The following GAS2 variants were observed in gnomAD, a reference collection of about 807,000 sequenced individuals.
GAS2 encodes growth arrest specific 2, also known as growth arrest-specific protein 2.
In GAS2, 20 loss-of-function variants were observed where a neutral mutation model predicts 37.5. The observed-to-expected ratio is 0.53, with a 90% CI of 0.37 to 0.77. GAS2 has a LOEUF of 0.77. GAS2 is among the 30% of genes least tolerant of loss of function. GAS2 has a pLI of 0.00. For missense variants in GAS2, 336 were observed against 373.4 expected (o/e 0.90, Z 0.82); for synonymous variants, 144 against 132.2 (o/e 1.09, Z -0.61).
chr11:22,752,098 C>G (rs1853770283), intron 6 of GAS2, among the ~76,000 whole-genome samples: 1 of 151,946 alleles, frequency 6.6e-6, no homozygotes, highest in Admixed American at 6.6e-5. Context: ...ATTTTTCAAT[C>G]AATGTTTGAT....
intron 7 of GAS2, among the ~76,000 whole-genome samples, chr11:22,779,118 T>C (rs1226704424): frequency 6.6e-6 from 1 of 151,854 alleles, no homozygotes; most frequent in Non-Finnish European, 1.5e-5. Flanking sequence ...AATCAGGGAA[T>C]ACTTTGATTC....
intron 3 of GAS2, among the ~76,000 whole-genome samples, chr11:22,686,725 G>T (rs1214983620): frequency 6.6e-6 from 1 of 151,858 alleles, no homozygotes; most frequent in Non-Finnish European, 1.5e-5. Context: ...ACTCCAGCCT[G>T]GGTGACAGAG....
intron 2 of GAS2, among the ~76,000 whole-genome samples, chr11:22,676,898 C>A (rs971402427): frequency 6.6e-6 from 1 of 151,880 alleles, no homozygotes; most frequent in African/African-American, 2.4e-5. Flanking sequence ...AAAATAAATA[C>A]CATAATAAAA....
intron 1 of GAS2, among the ~76,000 whole-genome samples, chr11:22,638,181 G>C (rs1262128568): frequency 6.6e-6 from 1 of 151,954 alleles, no homozygotes; most frequent in African/African-American, 2.4e-5. Flanking sequence ...ATCTTTATGG[G>C]CTGTGGTGGA....
chr11:22,675,122 AC>A, intron 2 of GAS2, 108 bp downstream of exon 2: 1 of 1,111,932 alleles, frequency 9.0e-7, no homozygotes, highest in Non-Finnish European at 1.2e-6. Context: ...GGAAAGAAAG[AC>A]TTTTATTATT....
At chr11:22,763,919 T>C (rs1854533093) in intron 7 of GAS2, among the ~76,000 whole-genome samples, 1 of 152,202 alleles carries the variant, frequency 6.6e-6, no homozygotes, top group Non-Finnish European at 1.5e-5. Flanking sequence ...TTAAAATGTG[T>C]TCAAATGCTT....
At chr11:22,749,624 A>G (rs1032435587) in intron 6 of GAS2, among the ~76,000 whole-genome samples, 1 of 152,078 alleles carries the variant, frequency 6.6e-6, no homozygotes, top group African/African-American at 2.4e-5. Context: ...AAGAAGGGAA[A>G]GTAAATGTAT....
Position 22,747,423 on chromosome 11 carries a change from A to G in GAS2, c.474-1697A>G, listed in dbSNP as rs146789099. On this transcript the variant is annotated intron_variant, in intron 5 of 7. Coordinates refer to ENST00000454584, the MANE Select transcript of GAS2 (RefSeq NM_001143830.3). The stretch of plus-strand genomic sequence containing the variant: ...TACAGTCTTTTAGCAAGTGATATCT[A>G]TGTAAGTAAACATTAATCTGTGAAC... Among the ~76,000 whole-genome samples, 5 of 152,264 alleles carry G rather than the reference A, an allele frequency of 3.3e-5. No individual in the cohort carries two copies. The East Asian group carries it at 5.8e-4, about 18-fold the overall frequency.
intron 7 of GAS2, among the ~76,000 whole-genome samples, chr11:22,782,693 A>G (rs1855609961): frequency 6.7e-6 from 1 of 148,218 alleles, no homozygotes; most frequent in Non-Finnish European, 1.5e-5. Flanking sequence ...TAGTTAGGTT[A>G]GGGTAATGGC....
chr11:22,730,535 A>T (rs1238699043), intron 4 of GAS2, among the ~76,000 whole-genome samples: 4 of 151,778 alleles, frequency 2.6e-5, no homozygotes, highest in Non-Finnish European at 5.9e-5. Context: ...TGCTGTTCAA[A>T]CCATGTTGAC....
At chr11:22,729,001 C>T (rs1234106941) in intron 4 of GAS2, among the ~76,000 whole-genome samples, 3 of 150,850 alleles carry the variant, frequency 2.0e-5, no homozygotes, top group Non-Finnish European at 4.4e-5. Context: ...TGTCTTTTCA[C>T]ACTTCACTTT....
At chr11:22,755,369 TA>T (rs1207569943) in intron 6 of GAS2, among the ~76,000 whole-genome samples, 1 of 152,098 alleles carries the variant, frequency 6.6e-6, no homozygotes, top group Non-Finnish European at 1.5e-5. Context: ...ATAGTCTCCT[TA>T]AAAAAACAAC....
chr11:22,656,072 A>G (rs1706228065), intron 1 of GAS2, among the ~76,000 whole-genome samples: 1 of 152,218 alleles, frequency 6.6e-6, no homozygotes, highest in Non-Finnish European at 1.5e-5. Context: ...GACCAAATTT[A>G]TTCATGAACA....
At chr11:22,662,659 T>TA (rs111882412), upstream of GAS2, among the ~76,000 whole-genome samples, 80 of 148,024 alleles carry the variant, frequency 5.4e-4, no homozygotes, top group African/African-American at 1.1e-3. Context: ...AAAGAAAACT[T>TA]AAAAAAAAAA....
chr11:22,685,894 G>T (rs973245974), intron 3 of GAS2, 105 bp downstream of exon 3: 6 of 1,047,520 alleles, frequency 5.7e-6, no homozygotes, highest in Non-Finnish European at 8.0e-6. Context: ...GATGCATCAA[G>T]GTCTATACTA....
At chr11:22,793,043 G>A (rs1856246565) in intron 7 of GAS2, among the ~76,000 whole-genome samples, 1 of 152,184 alleles carries the variant, frequency 6.6e-6, no homozygotes, top group African/African-American at 2.4e-5. Flanking sequence ...AGAGGCCAAG[G>A]TGGGTGGATC....
intron 3 of GAS2, among the ~76,000 whole-genome samples, chr11:22,694,714 T>C (rs541052928): frequency 5.9e-5 from 9 of 152,342 alleles, no homozygotes; most frequent in African/African-American, 1.9e-4. Flanking sequence ...GGTCATTTTA[T>C]GCTAGCCCAT....
At chr11:22,758,553 C>T (rs1452156175) in intron 7 of GAS2, among the ~76,000 whole-genome samples, 3 of 152,122 alleles carry the variant, frequency 2.0e-5, no homozygotes, top group African/African-American at 7.2e-5. Context: ...GCTAATGAGA[C>T]TGTTTACCTT....
chr11:22,663,595 T>G (rs182829650), upstream of GAS2, among the ~76,000 whole-genome samples: 1 of 152,180 alleles, frequency 6.6e-6, no homozygotes, highest in Non-Finnish European at 1.5e-5. Context: ...ACTGTTGTGT[T>G]GTACTTAAAA....
Sources: gnomAD v4.1 joint callset for allele counts (sites outside exome capture counted in the v4.1 genomes callset) on GRCh38, gnomAD v4.1.1 for gene constraint, MANE v1.5 for transcripts, NCBI Gene and HGNC (gene_info 2026-07-23, HGNC 2026-07-21) for gene names.